PLD4: variants seen among roughly 807,000 people sequenced by gnomAD.
PLD4 encodes the protein phospholipase D family member 4, also known as 5'-3' exonuclease PLD4.
A neutral mutation model predicts 52.3 loss-of-function variants in PLD4; 54 were observed. That is an observed-to-expected ratio of 1.03 (90% CI 0.83 to 1.30). PLD4 has a LOEUF of 1.30. Among genes scored for constraint, PLD4 ranks in the 50% most tolerant of loss-of-function variants. The pLI is 0.00. For missense variants in PLD4, 731 were observed against 671.1 expected, an observed-to-expected ratio of 1.09 and a Z score of -0.99; for synonymous variants, 264 against 286.5, an observed-to-expected ratio of 0.92 and a Z score of 0.79.
chr14:104,925,531 C>A (rs971191608), intron 1 of PLD4, among the ~76,000 whole-genome samples: 4 of 143,104 alleles, frequency 2.8e-5, no homozygotes, highest in African/African-American at 1.0e-4. Flanking sequence ...TTTAAGGGAG[C>A]AAAGGTCCTC....
At chr14:104,928,970 GAAACACAGC>G in intron 4 of PLD4, 38 bp downstream of exon 4, 1 of 1,561,666 alleles carries the variant, frequency 6.4e-7, no homozygotes, top group African/African-American at 1.4e-5. Flanking sequence ...CCTGGTGCTG[GAAACACAGC>G]AAGTCAGGCT....
Position 104,932,115 on chromosome 14 carries a change from T to C in PLD4, c.1162T>C (p.Phe388Leu), listed in dbSNP as rs966594082. 1 of 1,611,336 alleles carries C rather than the reference T, an allele frequency of 6.2e-7. No homozygotes were observed. Among genetic ancestry groups the C allele is most frequent in the Non-Finnish European group, 8.5e-7 (1 of 1,179,362 alleles). The change falls in exon 9 of 11, where the codon TTC (phenylalanine) becomes CTC (leucine). Residue 388 changes from phenylalanine (F) to leucine (L), a missense_variant. Coordinates refer to ENST00000392593, the MANE Select transcript of PLD4 (RefSeq NM_138790.5). The surrounding 1 kb of genome is among the most constrained non-coding windows in gnomAD (Gnocchi z 6.5). ...CGGACTCAACACGGACCCCACCATG[T>C]TCCCCTACCTGCGGTCCCTGCAGGC... ...GCGLNTDPTM[F>L]PYLRSLQALS...
chr14:104,928,351 T>C (rs1300939870), intron 3 of PLD4, among the ~76,000 whole-genome samples: 1 of 152,100 alleles, frequency 6.6e-6, no homozygotes, highest in African/African-American at 2.4e-5. Context: ...ACCAAGGGCT[T>C]CCACACCACG....
At chr14:104,936,772 A>T (rs1451773301), downstream of PLD4, 1 of 152,274 alleles carries the variant, frequency 6.6e-6, no homozygotes, top group Admixed American at 6.5e-5. Context: ...TGAACACTGC[A>T]TACCCATGAA....
At chr14:104,933,416 G>A (rs1897724858), downstream of PLD4, 1 of 156,074 alleles carries the variant, frequency 6.4e-6, no homozygotes, top group East Asian at 1.9e-4. Flanking sequence ...CCTCCCAGGC[G>A]GAGCGAACCC....
intron 1 of PLD4, 55 bp from the exon 2 acceptor site, chr14:104,927,086 G>A: frequency 6.9e-7 from 1 of 1,452,488 alleles, no homozygotes; most frequent in Non-Finnish European, 9.2e-7. Context: ...CAGGCACTGA[G>A]GGGCAGTTCT....
chr14:104,927,969 C>T (rs911173662), intron 3 of PLD4, 103 bp downstream of exon 3: 2 of 1,289,194 alleles, frequency 1.6e-6, no homozygotes, highest in Admixed American at 5.5e-5. Flanking sequence ...GGCCCTCTAC[C>T]AGCTCCTCCA....
Position 104,928,742 on chromosome 14 carries a change from C to T in PLD4, c.285-7C>T. Reference sequence around the variant, plus strand: ...CCATACTGAGCCCAGTGTGGCTCTCCCCACAGGCTTGTCCTTGTGGAAAGC... The same window carrying T: ...CCATACTGAGCCCAGTGTGGCTCTCTCCACAGGCTTGTCCTTGTGGAAAGC... On this transcript the variant is annotated splice_region_variant and splice_polypyrimidine_tract_variant and intron_variant, in intron 3 of 10. Transcript: ENST00000392593. 6.4e-7 allele frequency: 1 copy of T among 1,567,874 alleles called. No individual in the cohort carries two copies. The highest frequency in any genetic ancestry group is 8.7e-7 in the Non-Finnish European group (1 of 1,151,252).
intron 1 of PLD4, among the ~76,000 whole-genome samples, chr14:104,926,850 T>C (rs1897472037): frequency 6.6e-6 from 1 of 152,216 alleles, no homozygotes; most frequent in Admixed American, 6.5e-5. Context: ...CCCCTCGTGC[T>C]TGGCCCAGGC....
chr14:104,931,855 T>G lies in PLD4; in HGVS notation c.1026T>G (p.Tyr342Ter), dbSNP rs1157241337. 1.9e-6 allele frequency: 3 copies of G among 1,554,422 alleles called. No individual in the cohort carries two copies. The highest frequency in any genetic ancestry group is 1.2e-5 in the South Asian group (1 of 83,400). ...QEFIYASVME[Y>*]FPTTRFSHPP... ...TCATCTATGCCTCCGTGATGGAGTATTTCCCCACCACGCGCTTCAGCCACC... is the reference window on the plus strand; with the variant it reads ...TCATCTATGCCTCCGTGATGGAGTAGTTCCCCACCACGCGCTTCAGCCACC... The change falls in exon 8 of 11, where the codon TAT becomes TAG. Residue 342 changes from tyrosine to a stop codon, truncating the protein, a stop_gained. Coordinates refer to ENST00000392593, the MANE Select transcript of PLD4 (RefSeq NM_138790.5). LOFTEE classifies it high-confidence loss of function.
intron 3 of PLD4, among the ~76,000 whole-genome samples, chr14:104,928,105 A>G (rs560525920): frequency 2.5e-4 from 38 of 152,114 alleles, no homozygotes; most frequent in Non-Finnish European, 3.7e-4. Flanking sequence ...GACAGGCTGG[A>G]GAACACTGCC....
chr14:104,929,260 G>T, intron 4 of PLD4, 47 bp from the exon 5 acceptor site: 1 of 1,575,790 alleles, frequency 6.3e-7, no homozygotes, highest in South Asian at 1.2e-5. Context: ...GGATGCGGAG[G>T]AGAGGGCAGC....
At chr14:104,925,836 C>T (rs551784780) in intron 1 of PLD4, among the ~76,000 whole-genome samples, 2 of 152,176 alleles carry the variant, frequency 1.3e-5, no homozygotes, top group Non-Finnish European at 2.9e-5. Context: ...CTCTGCAGGA[C>T]CCCCCAGCGT....
chr14:104,930,021 T>G lies in PLD4; in HGVS notation c.633T>G (p.Gly211=), dbSNP rs1595380040. ...RQVPMGRLTR[G]VLHSKFWVVD... is the part of the protein sequence containing the mutation. ...TGCCCATGGGGCGGCTCACCAGGGG[T>G]GTTTTGCACTCCAAATTCTGGGTTG... is the stretch of plus-strand genomic sequence containing the variant. The change falls in exon 6 of 11, where the codon GGT becomes GGG. Residue 211 remains glycine, a synonymous_variant. Coordinates refer to ENST00000392593, the MANE Select transcript of PLD4 (RefSeq NM_138790.5). The G allele has an allele frequency of 6.2e-7, 1 of 1,613,470 alleles. No homozygotes were observed. The highest frequency in any genetic ancestry group is 2.2e-5 in the East Asian group (1 of 44,878).
At position 104,932,377 on chromosome 14, in the gene PLD4, C is replaced by T. The variant is rs752526054; in HGVS notation, c.1321+22C>T. 1 of 1,610,076 alleles carries T rather than the reference C, an allele frequency of 6.2e-7. No individual in the cohort carries two copies. The highest frequency in any genetic ancestry group is 1.7e-5 in the Admixed American group (1 of 59,996). On this transcript the variant is annotated intron_variant, in intron 10 of 10. Transcript: ENST00000392593. The surrounding 1 kb of genome is among the most constrained non-coding windows in gnomAD (Gnocchi z 6.5). ...ATAGGTGAGCGCGATCAGATCACGG[C>T]GGGCGGGCCCCAGGGTGGCCAGGCA...
chr14:104,929,889 C>A, intron 5 of PLD4, 89 bp from the exon 6 acceptor site: 2 of 1,484,914 alleles, frequency 1.3e-6, no homozygotes, highest in Non-Finnish European at 1.8e-6. Flanking sequence ...TCTGAGTCAA[C>A]CCCACTGTCA....
rs779793194 is a variant in PLD4 at position 104,928,940 on chromosome 14, C to G, written c.468+8C>G. ...GACTCGTCTTCCCAGCTGGTGCGCC[C>G]CGCCCTGGCCCCACCGCATCCTGGT... On this transcript the variant is annotated splice_region_variant and intron_variant, in intron 4 of 10. Transcript: ENST00000392593. 9.5e-6 allele frequency: 15 copies of G among 1,581,134 alleles called. No homozygotes were observed. Among genetic ancestry groups the G allele is most frequent in the Non-Finnish European group, 1.3e-5 (15 of 1,156,272 alleles).
intron 2 of PLD4, 80 bp from the exon 3 acceptor site, chr14:104,927,593 G>A: frequency 2.1e-6 from 3 of 1,421,152 alleles, no homozygotes; most frequent in East Asian, 2.5e-5. Flanking sequence ...CTCTGTCTCA[G>A]CACTGGAGGG....
rs780314626 is a variant in PLD4, at chr14:104,927,697, G to A, written c.115G>A (p.Val39Met). The change falls in exon 3 of 11, where the codon GTG becomes ATG. Residue 39 changes from valine (V) to methionine (M), a missense_variant. Val to Met is a conservative substitution (Grantham distance 21, BLOSUM62 1). Coordinates refer to ENST00000392593, the MANE Select transcript of PLD4 (RefSeq NM_138790.5). ...GTLQVLGALA[V>M]LWLGSVALIC... ...GTTGCAGGTCCTGGGAGCGCTGGCT[G>A]TGCTGTGGCTGGGCTCCGTGGCTCT... 3 of 1,599,594 alleles carry A rather than the reference G, an allele frequency of 1.9e-6. No individual in the cohort carries two copies. Among genetic ancestry groups the A allele is most frequent in the African/African-American group, 2.7e-5 (2 of 74,780 alleles).
Sources: allele counts gnomAD v4.1 joint callset (sites outside exome capture counted in the v4.1 genomes callset), GRCh38; gene constraint gnomAD v4.1.1; non-coding constraint Gnocchi (gnomAD v3.1); transcripts MANE v1.5; gene names NCBI Gene and HGNC (gene_info 2026-07-23, HGNC 2026-07-21).